Variants in PRKG1 observed in about 807,000 individuals in gnomAD.
The protein encoded by PRKG1 is protein kinase cGMP-dependent 1.
PRKG1 carries 35 observed loss-of-function variants against 88.1 expected under a neutral mutation model. That is an observed-to-expected ratio of 0.40 (90% CI 0.30 to 0.53). The LOEUF is 0.53. PRKG1 is among the 20% of genes least tolerant of loss of function. The pLI is 0.59. For missense variants in PRKG1, 540 were observed against 839.8 expected, an observed-to-expected ratio of 0.64 and a Z score of 4.41; for synonymous variants, 303 against 292.5, an observed-to-expected ratio of 1.04 and a Z score of -0.37.
chr10:51,101,878 A>T (rs1345308338), intron 1 of PRKG1, among the ~76,000 whole-genome samples: 1 of 152,196 alleles, frequency 6.6e-6, no homozygotes, highest in African/African-American at 2.4e-5. Flanking sequence ...TGAGGCTAAA[A>T]ATAGATGAAT....
Position 51,160,582 on chromosome 10 carries a change from T to C in PRKG1, c.478+7252T>C, listed in dbSNP as rs186627159. 1.3e-3 allele frequency among the ~76,000 whole-genome samples: 196 copies of C among 152,328 alleles called. 1 individual carries two copies. Among genetic ancestry groups the C allele is most frequent in the African/African-American group, 4.4e-3 (184 of 41,592 alleles). Reference sequence around the variant, plus strand: ...CTAAGTTTTCTGATTGTCTCTCATATCCAGGACAATTTATATTGACAAACA... The same window carrying C: ...CTAAGTTTTCTGATTGTCTCTCATACCCAGGACAATTTATATTGACAAACA... On this transcript the variant is annotated intron_variant, in intron 2 of 17. Coordinates refer to ENST00000373980, the MANE Select transcript of PRKG1 (RefSeq NM_006258.4).
chr10:52,107,204 T>TA (rs1369095375), intron 7 of PRKG1, among the ~76,000 whole-genome samples: 5 of 152,200 alleles, frequency 3.3e-5, no homozygotes, highest in African/African-American at 1.2e-4. Context: ...CAGAACAAGA[T>TA]GTTACCCAGA....
chr10:51,934,432 A>G (rs932218679), intron 5 of PRKG1, among the ~76,000 whole-genome samples: 10 of 152,200 alleles, frequency 6.6e-5, no homozygotes, highest in African/African-American at 2.4e-4. Flanking sequence ...TTTGAAATCT[A>G]TTGAGAATTC....
intron 7 of PRKG1, among the ~76,000 whole-genome samples, chr10:52,096,533 A>G (rs1847177213): frequency 6.6e-6 from 1 of 152,142 alleles, no homozygotes; most frequent in Admixed American, 6.6e-5. Flanking sequence ...TCTTCCATAT[A>G]TTCCTTGGGA....
intron 2 of PRKG1, among the ~76,000 whole-genome samples, chr10:51,352,982 A>G (rs1215618660): frequency 6.6e-6 from 1 of 152,160 alleles, no homozygotes; most frequent in Non-Finnish European, 1.5e-5. Context: ...AGAACCCAGA[A>G]ACAAATCCAC....
intron 2 of PRKG1, among the ~76,000 whole-genome samples, chr10:51,177,340 T>C (rs1178302173): frequency 2.0e-5 from 3 of 152,220 alleles, no homozygotes; most frequent in Non-Finnish European, 1.5e-5. Context: ...AAAAACCTTA[T>C]GTAAGATCTA....
intron 3 of PRKG1, among the ~76,000 whole-genome samples, chr10:51,542,055 G>T (rs1236643728): frequency 6.6e-6 from 1 of 151,942 alleles, no homozygotes; most frequent in African/African-American, 2.4e-5. Flanking sequence ...ACTACAGGAT[G>T]GGATTAGATG....
In PRKG1 at chr10:52,263,527, A is replaced by G. The variant is rs536812426; in HGVS notation, c.1174-7823A>G. Among the ~76,000 whole-genome samples, 3 of 152,118 alleles carry G rather than the reference A, an allele frequency of 2.0e-5. No individual in the cohort carries two copies. The East Asian group carries it at 5.8e-4, about 30-fold the overall frequency. Reference sequence around the variant, plus strand: ...AGCTTTAGAACATTCCTACCACTGCAATAAGAACCCTTGTGCCCATTTAGA... The same window carrying G: ...AGCTTTAGAACATTCCTACCACTGCGATAAGAACCCTTGTGCCCATTTAGA... On this transcript the variant is annotated intron_variant, in intron 10 of 17. Transcript: ENST00000373980.
At position 52,029,941 on chromosome 10, in the gene PRKG1, C is replaced by A. The variant is rs1450518257; in HGVS notation, c.763-24543C>A. 2.6e-5 allele frequency among the ~76,000 whole-genome samples: 4 copies of A among 152,102 alleles called. No individual in the cohort carries two copies. In the East Asian group the frequency reaches 5.8e-4, roughly 22 times the overall value. On this transcript the variant is annotated intron_variant, in intron 5 of 17. Transcript: ENST00000373980. Reference sequence around the variant, plus strand: ...ATATATCATCTCATCATCTACTGAACCCCATCCACTTTTTAAAGAAATCCA... The same window carrying A: ...ATATATCATCTCATCATCTACTGAAACCCATCCACTTTTTAAAGAAATCCA...
At chr10:52,099,239 G>A (rs1847241973) in intron 7 of PRKG1, among the ~76,000 whole-genome samples, 1 of 152,106 alleles carries the variant, frequency 6.6e-6, no homozygotes, top group Admixed American at 6.5e-5. Flanking sequence ...ACCTGTAGTA[G>A]TGGAAAGTTT....
At chr10:52,099,319 G>T (rs918349656) in intron 7 of PRKG1, among the ~76,000 whole-genome samples, 2 of 152,154 alleles carry the variant, frequency 1.3e-5, no homozygotes, top group African/African-American at 4.8e-5. Flanking sequence ...CTCTTCCAAA[G>T]TGTCCTGAAA....
At chr10:51,764,243 G>A (rs1837138782) in intron 3 of PRKG1, among the ~76,000 whole-genome samples, 1 of 152,066 alleles carries the variant, frequency 6.6e-6, no homozygotes, top group Admixed American at 6.6e-5. Flanking sequence ...TCTTTGTTAT[G>A]GATCTATTTT....
chr10:51,721,664 A>G (rs1012971805), intron 3 of PRKG1, among the ~76,000 whole-genome samples: 15 of 152,202 alleles, frequency 9.9e-5, no homozygotes, highest in Non-Finnish European at 2.1e-4. Flanking sequence ...ATTAATAAGC[A>G]TATATTTTCT....
rs149177837 is a variant in PRKG1 at position 52,127,451 on chromosome 10, G to A, written c.936-6389G>A. On this transcript the variant is annotated intron_variant, in intron 7 of 17. Coordinates refer to ENST00000373980, the MANE Select transcript of PRKG1 (RefSeq NM_006258.4). The stretch of plus-strand genomic sequence containing the variant: ...GTGTTATGTGAGTTTTCCTCAATGA[G>A]AGAAAGCAGGGCTAGCAAAAAGAAA... 1.4e-3 allele frequency among the ~76,000 whole-genome samples: 214 copies of A among 152,270 alleles called. 5 individuals carry two copies. The East Asian group carries it at 0.036, about 26-fold the overall frequency.
At chr10:51,312,678 GAT>G (rs958663350) in intron 2 of PRKG1, among the ~76,000 whole-genome samples, 4 of 123,094 alleles carry the variant, frequency 3.2e-5, no homozygotes, top group African/African-American at 1.1e-4. Context: ...TGTTCAGATG[GAT>G]ATATGTGTGT....
intron 8 of PRKG1, among the ~76,000 whole-genome samples, chr10:52,159,178 AC>A (rs1331881106): frequency 6.6e-6 from 1 of 151,576 alleles, no homozygotes; most frequent in East Asian, 1.9e-4. Context: ...AAAATCAATT[AC>A]ATTTCAAATG....
At chr10:51,243,183 G>A (rs766509251) in intron 2 of PRKG1, among the ~76,000 whole-genome samples, 19 of 152,148 alleles carry the variant, frequency 1.2e-4, no homozygotes, top group Non-Finnish European at 2.5e-4. Context: ...TCCTGACTTG[G>A]ATGATGTATC....
At chr10:51,103,590 A>C in intron 1 of PRKG1, among the ~76,000 whole-genome samples, 1 of 152,180 alleles carries the variant, frequency 6.6e-6, no homozygotes, top group East Asian at 1.9e-4. Context: ...TCTGAAATGT[A>C]ATAAAGGATG....
intron 1 of PRKG1, among the ~76,000 whole-genome samples, chr10:51,110,056 T>C (rs972162294): frequency 1.3e-5 from 2 of 152,118 alleles, no homozygotes; most frequent in African/African-American, 4.8e-5. Context: ...AGAATGATCA[T>C]ACTAAGTCAG....
Sources: gnomAD v4.1 joint callset for allele counts (sites outside exome capture counted in the v4.1 genomes callset) on GRCh38, gnomAD v4.1.1 for gene constraint, MANE v1.5 for transcripts, NCBI Gene and HGNC (gene_info 2026-07-23, HGNC 2026-07-21) for gene names.